The following MACROD2 variants were observed in gnomAD, a reference collection of about 807,000 sequenced individuals.
The protein encoded by MACROD2 is mono-ADP ribosylhydrolase 2.
A neutral mutation model predicts 70.4 loss-of-function variants in MACROD2; 36 were observed. That is an observed-to-expected ratio of 0.51 (90% CI 0.39 to 0.68). The LOEUF (loss-of-function observed/expected upper bound fraction) is 0.68, where lower values mean the gene tolerates loss of function less well. Ranked by LOEUF, MACROD2 falls within the 30% of genes least tolerant of loss-of-function variation. The pLI is 0.00. For synonymous variants in MACROD2, 172 were observed against 178.8 expected, an observed-to-expected ratio of 0.96 and a Z score of 0.30; for missense variants, 496 against 538.4, an observed-to-expected ratio of 0.92 and a Z score of 0.78.
At chr20:15,067,454 A>C (rs2075586249) in intron 5 of MACROD2, among the ~76,000 whole-genome samples, 1 of 152,084 alleles carries the variant, frequency 6.6e-6, no homozygotes, top group Admixed American at 6.6e-5. Context: ...GGTTCGAGTG[A>C]TTCTCCTGCC....
At chr20:14,454,594 GC>G (rs2084279084) in intron 3 of MACROD2, among the ~76,000 whole-genome samples, 2 of 151,366 alleles carry the variant, frequency 1.3e-5, no homozygotes, top group Admixed American at 1.3e-4. Flanking sequence ...TTAGAACCAG[GC>G]TTTTTTTTCT....
At chr20:15,432,298 A>G (rs1194265209) in intron 7 of MACROD2, among the ~76,000 whole-genome samples, 1 of 152,080 alleles carries the variant, frequency 6.6e-6, no homozygotes, top group Non-Finnish European at 1.5e-5. Flanking sequence ...TTCATCTGGT[A>G]TTTCTTTTGA....
At chr20:14,423,195 G>A (rs1190711914) in intron 3 of MACROD2, among the ~76,000 whole-genome samples, 2 of 152,210 alleles carry the variant, frequency 1.3e-5, no homozygotes, top group Non-Finnish European at 2.9e-5. Context: ...CAGGGAGAGG[G>A]AGGGGCAAGT....
chr20:14,725,387 C>T (rs1043883907), intron 5 of MACROD2, among the ~76,000 whole-genome samples: 28 of 151,892 alleles, frequency 1.8e-4, no homozygotes, highest in African/African-American at 6.1e-4. Context: ...GAAGCTTCCC[C>T]AGAATGAATA....
intron 8 of MACROD2, 66 bp downstream of exon 8, chr20:15,499,913 A>C: frequency 1.4e-6 from 2 of 1,464,714 alleles, no homozygotes; most frequent in Non-Finnish European, 1.9e-6. Context: ...TTCCCCCCAA[A>C]AAAGCACATA....
intron 5 of MACROD2, among the ~76,000 whole-genome samples, chr20:14,997,099 A>G (rs1005672752): frequency 5.9e-5 from 9 of 152,042 alleles, no homozygotes; most frequent in Non-Finnish European, 1.3e-4. Context: ...TCATCCTCCA[A>G]CCTCAGGCAG....
intron 12 of MACROD2, among the ~76,000 whole-genome samples, chr20:15,963,636 G>GA (rs11481099): frequency 0.078 from 11,887 of 152,150 alleles, 585 homozygotes; most frequent in East Asian, 0.25. Context: ...AACTGGTCTG[G>GA]AAAATCTTTT....
chr20:14,721,029 T>G (rs934979377), intron 5 of MACROD2, among the ~76,000 whole-genome samples: 5 of 150,694 alleles, frequency 3.3e-5, no homozygotes, highest in Admixed American at 6.6e-5. Context: ...CCGAGGCGGG[T>G]GGGTTGCTTG....
intron 4 of MACROD2, among the ~76,000 whole-genome samples, chr20:14,665,458 G>A (rs1707401602): frequency 6.6e-6 from 1 of 151,822 alleles, no homozygotes; most frequent in Non-Finnish European, 1.5e-5. Context: ...GCATTCTTTA[G>A]TTATGGAATA....
At chr20:14,167,449 T>G (rs1601303251) in intron 3 of MACROD2, among the ~76,000 whole-genome samples, 1 of 151,956 alleles carries the variant, frequency 6.6e-6, no homozygotes, top group Non-Finnish European at 1.5e-5. Flanking sequence ...AATGGCAGGG[T>G]CTTGGCTCAC....
intron 3 of MACROD2, among the ~76,000 whole-genome samples, chr20:14,409,985 A>G (rs932418057): frequency 1.3e-5 from 2 of 151,926 alleles, no homozygotes; most frequent in Non-Finnish European, 2.9e-5. Context: ...AGTACCTTCT[A>G]CTCTTTCTTG....
At chr20:15,034,549 A>G (rs994876390) in intron 5 of MACROD2, among the ~76,000 whole-genome samples, 8 of 152,184 alleles carry the variant, frequency 5.3e-5, no homozygotes, top group Admixed American at 4.6e-4. Context: ...TAGAAAGTAC[A>G]AAGTTTAGAA....
chr20:14,719,511 TAAAG>T (rs749125652), intron 5 of MACROD2, among the ~76,000 whole-genome samples: 2 of 142,906 alleles, frequency 1.4e-5, no homozygotes, highest in Admixed American at 6.9e-5. Context: ...AAAAAGAAAA[TAAAG>T]AAAGAAAAAG....
intron 6 of MACROD2, among the ~76,000 whole-genome samples, chr20:15,374,233 A>G (rs1195785012): frequency 6.6e-6 from 1 of 151,904 alleles, no homozygotes; most frequent in Non-Finnish European, 1.5e-5. Context: ...ATTTTATCAT[A>G]TATATAATCA....
chr20:14,147,251 G>A (rs1373830902), intron 3 of MACROD2, among the ~76,000 whole-genome samples: 1 of 152,154 alleles, frequency 6.6e-6, no homozygotes, highest in Non-Finnish European at 1.5e-5. Context: ...GGCATAGTGT[G>A]TAATAATCAG....
intron 5 of MACROD2, among the ~76,000 whole-genome samples, chr20:14,691,959 T>C (rs1044677798): frequency 6.6e-6 from 1 of 152,252 alleles, no homozygotes; most frequent in Non-Finnish European, 1.5e-5. Context: ...ATTCAGGTTT[T>C]ATTTGAATCT....
chr20:15,848,748 C>A (rs2064263010), intron 8 of MACROD2, among the ~76,000 whole-genome samples: 1 of 152,252 alleles, frequency 6.6e-6, no homozygotes, highest in South Asian at 2.1e-4. Flanking sequence ...CATGTTTCTA[C>A]CTTTTTCCTC....
intron 5 of MACROD2, among the ~76,000 whole-genome samples, chr20:15,075,937 A>G (rs1473765260): frequency 6.6e-6 from 1 of 152,176 alleles, no homozygotes; most frequent in Admixed American, 6.6e-5. Flanking sequence ...TAGGGGAAGA[A>G]TATGTTATAA....
In MACROD2 at chr20:14,702,624, T is replaced by A. The variant is rs943588863; in HGVS notation, c.418+17665T>A. ...GTGTATATATATGTGTATATATATATACATATATATATGTATATATATATA... is the reference window on the plus strand; with the variant it reads ...GTGTATATATATGTGTATATATATAAACATATATATATGTATATATATATA... On this transcript the variant is annotated intron_variant, in intron 5 of 17. Coordinates refer to ENST00000684519, the MANE Select transcript of MACROD2 (RefSeq NM_001351661.2). Among the ~76,000 whole-genome samples the A allele has an allele frequency of 2.5e-4, 15 of 59,136 alleles. No individual in the cohort carries two copies. In the East Asian group the frequency reaches 0.013, roughly 53 times the overall value. The allele number at this position is 59,136 out of a possible 152,430, so 38.8% of individuals were successfully genotyped here.
Sources: allele counts gnomAD v4.1 joint callset (sites outside exome capture counted in the v4.1 genomes callset), GRCh38; gene constraint gnomAD v4.1.1; transcripts MANE v1.5; gene names NCBI Gene and HGNC (gene_info 2026-07-23, HGNC 2026-07-21).